The following CATSPERE variants were observed in gnomAD, a reference collection of about 807,000 sequenced individuals.
The protein encoded by CATSPERE is catsper channel auxiliary subunit epsilon.
Under a neutral mutation model 114.1 loss-of-function variants are expected in CATSPERE, and 93 were observed. The observed-to-expected ratio is 0.81, with a 90% CI of 0.69 to 0.97. The LOEUF (loss-of-function observed/expected upper bound fraction) is 0.97. Among genes scored for constraint, CATSPERE ranks in the 50% least tolerant of loss-of-function variants. CATSPERE has a pLI of 0.00. For synonymous variants in CATSPERE, 341 were observed against 384.1 expected, an observed-to-expected ratio of 0.89 and a Z score of 1.31; for missense variants, 1,058 against 1,131.6, an observed-to-expected ratio of 0.93 and a Z score of 0.93.
At chr1:244,521,618 A>C (rs1453703860) in intron 8 of CATSPERE, among the ~76,000 whole-genome samples, 1 of 152,200 alleles carries the variant, frequency 6.6e-6, no homozygotes, top group East Asian at 1.9e-4. Flanking sequence ...TATTGTACAT[A>C]AAAATAATCT....
intron 7 of CATSPERE, among the ~76,000 whole-genome samples, chr1:244,508,554 G>T (rs1271327681): frequency 6.6e-6 from 1 of 151,660 alleles, no homozygotes; most frequent in Admixed American, 6.6e-5. Context: ...GCCCACCTTG[G>T]CCTCCCAAAG....
chr1:244,528,561 A>T (rs1317005811), intron 8 of CATSPERE, among the ~76,000 whole-genome samples: 1 of 152,034 alleles, frequency 6.6e-6, no homozygotes, highest in African/African-American at 2.4e-5. Flanking sequence ...TGAGATTATG[A>T]TATAGGCATA....
intron 20 of CATSPERE, among the ~76,000 whole-genome samples, chr1:244,625,426 A>ATTTTTTTTT (rs1326525192): frequency 0.017 from 66 of 3,940 alleles, 6 homozygotes; most frequent in Non-Finnish European, 0.027. Flanking sequence ...ATATATATAT[A>ATTTTTTTTT]TATATATTTT....
At chr1:244,494,787 A>G (rs1672837949) in intron 6 of CATSPERE, among the ~76,000 whole-genome samples, 1 of 152,188 alleles carries the variant, frequency 6.6e-6, no homozygotes, top group African/African-American at 2.4e-5. Flanking sequence ...CTTACCAGAA[A>G]AAAAGAAGTA....
chr1:244,622,991 C>T (rs1451757928), intron 20 of CATSPERE, among the ~76,000 whole-genome samples: 2 of 152,100 alleles, frequency 1.3e-5, no homozygotes, highest in East Asian at 3.8e-4. Flanking sequence ...TAAATAGCAG[C>T]CTTAAAAGTC....
chr1:244,551,970 A>G (rs1170916140), intron 8 of CATSPERE, among the ~76,000 whole-genome samples: 1 of 145,302 alleles, frequency 6.9e-6, no homozygotes, highest in Non-Finnish European at 1.5e-5. Flanking sequence ...AGGTTGAGGC[A>G]GGAGAATGGC....
chr1:244,523,683 TAC>T (rs1678009583), intron 8 of CATSPERE, among the ~76,000 whole-genome samples: 1 of 137,242 alleles, frequency 7.3e-6, no homozygotes, highest in South Asian at 2.2e-4. Flanking sequence ...AGCATTCTTA[TAC>T]ACCAACAACA....
intron 21 of CATSPERE, among the ~76,000 whole-genome samples, chr1:244,638,498 C>T (rs1201401250): frequency 2.0e-5 from 3 of 152,214 alleles, no homozygotes; most frequent in Admixed American, 2.0e-4. Flanking sequence ...CTCTGGCAAG[C>T]TCATCCACAA....
At chr1:244,533,670 C>T (rs1679951968) in intron 8 of CATSPERE, among the ~76,000 whole-genome samples, 1 of 152,102 alleles carries the variant, frequency 6.6e-6, no homozygotes, top group Non-Finnish European at 1.5e-5. Flanking sequence ...CCTTGTACCC[C>T]TGCTTTTAAA....
intron 20 of CATSPERE, among the ~76,000 whole-genome samples, chr1:244,620,577 C>A (rs1020640084): frequency 6.6e-6 from 1 of 152,098 alleles, no homozygotes; most frequent in African/African-American, 2.4e-5. Context: ...GAAAGAACAT[C>A]ATTTTATAGG....
chr1:244,508,259 G>T (rs1558394651), intron 7 of CATSPERE, among the ~76,000 whole-genome samples: 1 of 150,066 alleles, frequency 6.7e-6, no homozygotes, highest in African/African-American at 2.4e-5. Context: ...TTGTTTTTCA[G>T]CTAGTTTGTT....
chr1:244,577,795 A>T (rs1665517519), intron 11 of CATSPERE, among the ~76,000 whole-genome samples: 1 of 152,256 alleles, frequency 6.6e-6, no homozygotes, highest in African/African-American at 2.4e-5. Flanking sequence ...TATCAGTGTA[A>T]TAACATTTAT....
chr1:244,534,423 C>G (rs1008559653), intron 8 of CATSPERE, among the ~76,000 whole-genome samples: 1 of 152,076 alleles, frequency 6.6e-6, no homozygotes, highest in African/African-American at 2.4e-5. Flanking sequence ...AGGCTGTTTT[C>G]TAGATCTTGT....
intron 19 of CATSPERE, among the ~76,000 whole-genome samples, chr1:244,616,384 A>G (rs1671402836): frequency 6.6e-6 from 1 of 152,232 alleles, no homozygotes; most frequent in Non-Finnish European, 1.5e-5. Context: ...AAATACGTAG[A>G]AAAAAGAAAA....
intron 12 of CATSPERE, among the ~76,000 whole-genome samples, chr1:244,583,378 G>T (rs1000636633): frequency 6.6e-6 from 1 of 152,122 alleles, no homozygotes; most frequent in African/African-American, 2.4e-5. Flanking sequence ...ATCCCAGTCA[G>T]ATCATATTAG....
intron 8 of CATSPERE, among the ~76,000 whole-genome samples, chr1:244,521,659 C>G (rs1677595273): frequency 6.6e-6 from 1 of 151,842 alleles, no homozygotes; most frequent in African/African-American, 2.4e-5. Flanking sequence ...ATTTGAAAGG[C>G]TAAACTGAAA....
chr1:244,614,738 A>G (rs548945515), intron 19 of CATSPERE, among the ~76,000 whole-genome samples: 31 of 152,268 alleles, frequency 2.0e-4, no homozygotes, highest in African/African-American at 7.2e-4. Flanking sequence ...TTTGGCTCCA[A>G]TCACACTTGT....
intron 5 of CATSPERE, among the ~76,000 whole-genome samples, chr1:244,482,127 T>C (rs1353671266): frequency 1.3e-5 from 2 of 152,136 alleles, no homozygotes; most frequent in African/African-American, 4.8e-5. Context: ...CTGTAATATA[T>C]ATTGTAAGAA....
intron 7 of CATSPERE, among the ~76,000 whole-genome samples, chr1:244,515,934 C>G (rs1263426156): frequency 6.6e-6 from 1 of 151,120 alleles, no homozygotes; most frequent in Non-Finnish European, 1.5e-5. Context: ...TGTCTCACAC[C>G]TATAATCCCA....
Sources: allele counts gnomAD v4.1 joint callset (sites outside exome capture counted in the v4.1 genomes callset), GRCh38; gene constraint gnomAD v4.1.1; transcripts MANE v1.5; gene names NCBI Gene and HGNC (gene_info 2026-07-23, HGNC 2026-07-21).